GPBP1L1: variants seen among roughly 807,000 people sequenced by gnomAD.
The protein encoded by GPBP1L1 is vasculin-like protein 1.
Under a neutral mutation model 52.5 loss-of-function variants are expected in GPBP1L1, and 23 were observed. The observed-to-expected ratio is 0.44, with a 90% CI of 0.32 to 0.62. The LOEUF is 0.62. Ranked by LOEUF, GPBP1L1 falls within the 20% of genes least tolerant of loss-of-function variation. GPBP1L1 has a pLI of 0.06. For synonymous variants in GPBP1L1, 243 were observed against 203.1 expected (o/e 1.20, Z -1.67); for missense variants, 596 against 579.3 (o/e 1.03, Z -0.30).
At chr1:45,685,065 T>C (rs905757457) in intron 2 of GPBP1L1, among the ~76,000 whole-genome samples, 21 of 151,418 alleles carry the variant, frequency 1.4e-4, no homozygotes, top group Non-Finnish European at 1.5e-5. Context: ...GATCTATCGA[T>C]TAAAAAAAAA....
chr1:45,680,357 G>A (rs1326810972), intron 2 of GPBP1L1, among the ~76,000 whole-genome samples: 1 of 150,570 alleles, frequency 6.6e-6, no homozygotes, highest in Non-Finnish European at 1.5e-5. Context: ...TAGTGCCTCA[G>A]CCTCCAGAGC....
chr1:45,649,330 T>C (rs1036736937), intron 6 of GPBP1L1, among the ~76,000 whole-genome samples: 1 of 152,226 alleles, frequency 6.6e-6, no homozygotes, highest in African/African-American at 2.4e-5. Context: ...CTTATTCAAA[T>C]TGTCCCACTG....
Position 45,634,105 on chromosome 1 carries a change from A to G in GPBP1L1, c.876T>C (p.Ser292=). 3 of 1,607,192 alleles carry G rather than the reference A, an allele frequency of 1.9e-6. No homozygotes were observed. Among genetic ancestry groups the G allele is most frequent in the Admixed American group, 1.7e-5 (1 of 58,644 alleles). The part of the protein sequence containing the change: ...VVLASGAALS[S]PKESPSSTTP... Reference sequence around the variant, plus strand: ...CTTCATCCTCACTCACCTCTTTGGGAGAACTCAGAGCTGCACCACTAGCCA... The same window carrying G: ...CTTCATCCTCACTCACCTCTTTGGGGGAACTCAGAGCTGCACCACTAGCCA... The change falls in exon 9 of 13, where the codon TCT becomes TCC. Residue 292 remains serine, a synonymous_variant. Coordinates refer to ENST00000355105, the MANE Select transcript of GPBP1L1 (RefSeq NM_021639.5).
At chr1:45,645,221 C>G (rs1468148561) in intron 6 of GPBP1L1, among the ~76,000 whole-genome samples, 1 of 152,166 alleles carries the variant, frequency 6.6e-6, no homozygotes, top group Admixed American at 6.5e-5. Context: ...AGTAGAGCCA[C>G]TCATTGCTAT....
chr1:45,676,956 G>GA (rs1645153085), intron 2 of GPBP1L1, among the ~76,000 whole-genome samples: 1 of 151,618 alleles, frequency 6.6e-6, no homozygotes, highest in African/African-American at 2.4e-5. Context: ...TTGGGAGGCC[G>GA]AAGAGGGAGG....
At chr1:45,683,570 G>A (rs1645239070) in intron 2 of GPBP1L1, among the ~76,000 whole-genome samples, 1 of 149,744 alleles carries the variant, frequency 6.7e-6, no homozygotes, top group Non-Finnish European at 1.5e-5. Context: ...CTACAAAATA[G>A]GGTATAAAAC....
At chr1:45,676,914 G>C (rs1645152456) in intron 2 of GPBP1L1, among the ~76,000 whole-genome samples, 1 of 151,228 alleles carries the variant, frequency 6.6e-6, no homozygotes, top group South Asian at 2.1e-4. Context: ...ACTTCGCCAG[G>C]AACGGTGGCT....
chr1:45,676,621 A>T (rs1238093133), intron 2 of GPBP1L1, among the ~76,000 whole-genome samples: 1 of 150,808 alleles, frequency 6.6e-6, no homozygotes, highest in South Asian at 2.1e-4. Context: ...GAGGCAGGAG[A>T]ATAGCTTGAA....
chr1:45,649,261 C>T, intron 6 of GPBP1L1, among the ~76,000 whole-genome samples: 1 of 152,166 alleles, frequency 6.6e-6, no homozygotes, highest in Non-Finnish European at 1.5e-5. Flanking sequence ...AAAAGGATAT[C>T]TTTTACATAA....
At chr1:45,684,623 G>A (rs1347999136) in intron 2 of GPBP1L1, among the ~76,000 whole-genome samples, 1 of 151,890 alleles carries the variant, frequency 6.6e-6, no homozygotes, top group Non-Finnish European at 1.5e-5. Context: ...CTCTGATAAA[G>A]ACACCATCCA....
chr1:45,672,299 T>C (rs1257442967), intron 2 of GPBP1L1, among the ~76,000 whole-genome samples: 3 of 151,076 alleles, frequency 2.0e-5, no homozygotes, highest in African/African-American at 4.9e-5. Context: ...GAGGCGGAGG[T>C]TGCAGTGAGC....
chr1:45,629,371 G>GAC (rs1388454303), intron 12 of GPBP1L1, among the ~76,000 whole-genome samples: 1 of 151,452 alleles, frequency 6.6e-6, no homozygotes, highest in Non-Finnish European at 1.5e-5. Context: ...GCTAATCACT[G>GAC]ACACTTGGTT....
chr1:45,680,295 A>G (rs1277596512), intron 2 of GPBP1L1, among the ~76,000 whole-genome samples: 3 of 148,092 alleles, frequency 2.0e-5, no homozygotes, highest in Non-Finnish European at 4.4e-5. Flanking sequence ...CTGGAGTTCA[A>G]TGGCACAGTC....
Position 45,645,738 on chromosome 1 carries a change from A to G in GPBP1L1, c.478-3239T>C. The G allele has an allele frequency of 5.9e-6, 2 of 340,908 alleles. 1 individual carries two copies. The highest frequency in any genetic ancestry group is 4.9e-5 in the South Asian group (2 of 41,220). 21.1% of individuals were successfully genotyped at this position (340,908 alleles called of 1,614,324 possible). On this transcript the variant is annotated intron_variant, in intron 6 of 12. Coordinates refer to ENST00000355105, the MANE Select transcript of GPBP1L1 (RefSeq NM_021639.5). Reference sequence around the variant, plus strand: ...TTGTTCTTCAGTAGTTCTCAGGAAAAGTCTTGGGAACGATATTCCGAAGTT... The same window carrying G: ...TTGTTCTTCAGTAGTTCTCAGGAAAGGTCTTGGGAACGATATTCCGAAGTT...
At chr1:45,666,503 C>T (rs1020722029) in intron 2 of GPBP1L1, among the ~76,000 whole-genome samples, 3 of 152,108 alleles carry the variant, frequency 2.0e-5, no homozygotes, top group African/African-American at 4.8e-5. Flanking sequence ...CCAGGACACA[C>T]ACAGCATGTA....
intron 2 of GPBP1L1, among the ~76,000 whole-genome samples, chr1:45,671,129 T>C (rs947701332): frequency 1.3e-5 from 2 of 151,468 alleles, no homozygotes; most frequent in Non-Finnish European, 2.9e-5. Context: ...TTTACAATAA[T>C]ATTCTGATAT....
At chr1:45,676,710 CAAAA>C (rs1189531708) in intron 2 of GPBP1L1, among the ~76,000 whole-genome samples, 1 of 63,262 alleles carries the variant, frequency 1.6e-5, no homozygotes, top group Non-Finnish European at 3.3e-5. Flanking sequence ...AACTCTGTCT[CAAAA>C]AAAAAAAAAA....
In GPBP1L1 at chr1:45,640,380, GTT is replaced by G; in HGVS notation, c.572_573del (p.Gln191ProfsTer45). The G allele has an allele frequency of 6.2e-7, 1 of 1,613,906 alleles. No homozygotes were observed. The highest frequency in any genetic ancestry group is 8.5e-7 in the Non-Finnish European group (1 of 1,179,996). ...TTTTTGATAACTAGCATCTTGGAGG[GTT>G]GCTTGGCACTAGGCGGGTTTTCTGT... ...GVWENPPSAKQPSKMLVIKKV... is the reference protein window; with the variant it reads ...GVWENPPSAKXPSKMLVIKKV... On this transcript the variant is annotated frameshift_variant, in exon 8 of 13. Transcript: ENST00000355105. LOFTEE classifies it high-confidence loss of function.
chr1:45,672,868 A>C (rs1645090825), intron 2 of GPBP1L1, among the ~76,000 whole-genome samples: 1 of 152,200 alleles, frequency 6.6e-6, no homozygotes, highest in African/African-American at 2.4e-5. Context: ...ATTCACATGG[A>C]AGTGTCAGTG....
Sources: gnomAD v4.1 joint callset for allele counts (sites outside exome capture counted in the v4.1 genomes callset) on GRCh38, gnomAD v4.1.1 for gene constraint, MANE v1.5 for transcripts, NCBI Gene and HGNC (gene_info 2026-07-23, HGNC 2026-07-21) for gene names.